IFT122: variants seen among roughly 807,000 people sequenced by gnomAD.
IFT122 encodes the protein intraflagellar transport 122.
Under a neutral mutation model 161.6 loss-of-function variants are expected in IFT122, and 118 were observed. The observed-to-expected ratio is 0.73, with a 90% confidence interval of 0.63 to 0.85. The LOEUF is 0.85. Ranked by LOEUF, IFT122 falls within the 40% of genes least tolerant of loss-of-function variation. The pLI, the probability that IFT122 is intolerant of heterozygous loss-of-function variation, is 0.00. For missense variants in IFT122, 1,381 were observed against 1,579.6 expected (o/e 0.87, Z 2.13); for synonymous variants, 550 against 602.4 (o/e 0.91, Z 1.27).
intron 20 of IFT122, chr3:129,504,038 A>G (rs1049280710): frequency 4.5e-6 from 2 of 441,116 alleles, no homozygotes; most frequent in Non-Finnish European, 8.5e-6. Context: ...GCAAACCCTC[A>G]AAATAAAATG....
At chr3:129,456,365 G>A (rs2075487832) in intron 3 of IFT122, 1 of 965,226 alleles carries the variant, frequency 1.0e-6, no homozygotes, top group Non-Finnish European at 1.4e-6. Context: ...TTGGCCGGGT[G>A]TGGTGGCTCA....
intron 6 of IFT122, among the ~76,000 whole-genome samples, chr3:129,464,098 G>T (rs978026384): frequency 6.6e-6 from 1 of 152,198 alleles, no homozygotes; most frequent in South Asian, 2.1e-4. Flanking sequence ...CGAGATTGTT[G>T]TGAAATGCAC....
intron 2 of IFT122, among the ~76,000 whole-genome samples, chr3:129,451,254 T>C (rs1049182149): frequency 2.0e-5 from 3 of 152,056 alleles, no homozygotes; most frequent in African/African-American, 7.2e-5. Context: ...ACACACCACC[T>C]CGTCCACCTA....
intron 12 of IFT122, among the ~76,000 whole-genome samples, chr3:129,478,631 A>C (rs773157004): frequency 2.6e-5 from 4 of 151,972 alleles, no homozygotes; most frequent in African/African-American, 7.3e-5. Context: ...TTTAGTAGAG[A>C]CGCGAGGCTG....
At chr3:129,460,954 G>C in intron 4 of IFT122, 1 of 1,609,774 alleles carries the variant, frequency 6.2e-7, no homozygotes, top group Non-Finnish European at 8.5e-7. Context: ...TAAAGGCCAA[G>C]GTGGGAGGAT....
In IFT122 at chr3:129,481,646, T is replaced by A; in HGVS notation, c.1605T>A (p.Asn535Lys). The change falls in exon 14 of 30, where the codon AAT becomes AAA. Residue 535 changes from asparagine (N) to lysine (K), a missense_variant. By Grantham distance (94) the Asn-to-Lys change is moderately conservative. Coordinates refer to ENST00000348417, the MANE Select transcript of IFT122 (RefSeq NM_052989.3). Reference protein sequence around the residue: ...SRKKLAVVDENDTCLVYDIDT... With the variant: ...SRKKLAVVDEKDTCLVYDIDT... Reference sequence around the variant, plus strand: ...AGAAGCTGGCCGTGGTAGATGAAAATGACACTTGCCTGGTGTATGACATCG... The same window carrying A: ...AGAAGCTGGCCGTGGTAGATGAAAAAGACACTTGCCTGGTGTATGACATCG... 6.2e-7 allele frequency: 1 copy of A among 1,613,922 alleles called. No individual in the cohort carries two copies. The highest frequency in any genetic ancestry group is 8.5e-7 in the Non-Finnish European group (1 of 1,179,812).
chr3:129,514,197 A>G, intron 24 of IFT122, 192 bp from the exon 25 acceptor site: 1 of 710,630 alleles, frequency 1.4e-6, no homozygotes. Flanking sequence ...TCTTTGGAAA[A>G]ATTCCTGGGC....
chr3:129,516,573 ACACACAGAGAGACTGCCCCTG>A (rs1307408330), intron 26 of IFT122, among the ~76,000 whole-genome samples: 16 of 123,712 alleles, frequency 1.3e-4, no homozygotes, highest in African/African-American at 4.7e-4. Flanking sequence ...GCACACACAC[ACACACAGAGAGACTGCCCCTG>A]CACACACACA....
In IFT122 at chr3:129,507,776, G is replaced by T. The variant is rs200365796; in HGVS notation, c.2886+14G>T. 8 of 1,599,972 alleles carry T rather than the reference G, an allele frequency of 5.0e-6. No homozygotes were observed. The East Asian group carries it at 1.8e-4, about 36-fold the overall frequency. ...CATCGCCACACGGTAAGGTGGCTGG[G>T]TCACCAGCACCTGAGGGTACCATCT... On this transcript the variant is annotated intron_variant, in intron 23 of 29. Coordinates refer to ENST00000348417, the MANE Select transcript of IFT122 (RefSeq NM_052989.3).
intron 24 of IFT122, 139 bp from the exon 25 acceptor site, chr3:129,514,250 A>G (rs2083190440): frequency 1.1e-6 from 1 of 904,112 alleles, no homozygotes; most frequent in Non-Finnish European, 1.8e-6. Flanking sequence ...AAGCGCACAG[A>G]GCCTTCCTCA....
chr3:129,499,211 G>A (rs1200707523), intron 18 of IFT122, among the ~76,000 whole-genome samples: 1 of 152,218 alleles, frequency 6.6e-6, no homozygotes, highest in Admixed American at 6.5e-5. Context: ...TAACCATTCA[G>A]CTGAGAAGCA....
At chr3:129,494,594 T>C (rs1006419113) in intron 17 of IFT122, among the ~76,000 whole-genome samples, 2 of 152,146 alleles carry the variant, frequency 1.3e-5, no homozygotes, top group African/African-American at 4.8e-5. Flanking sequence ...GCTCAGGGTT[T>C]GGGTGCTACT....
At chr3:129,515,740 G>C in intron 26 of IFT122, 141 bp downstream of exon 26, 1 of 766,974 alleles carries the variant, frequency 1.3e-6, no homozygotes, top group Non-Finnish European at 2.3e-6. Flanking sequence ...ACACTCTGAC[G>C]CCCACCTACC....
chr3:129,468,908 G>A (rs951652817), intron 8 of IFT122, among the ~76,000 whole-genome samples: 3 of 152,224 alleles, frequency 2.0e-5, no homozygotes, highest in African/African-American at 7.2e-5. Context: ...GGAAGAGCAA[G>A]CAAGTTTCCC....
intron 1 of IFT122, among the ~76,000 whole-genome samples, chr3:129,442,026 T>C (rs1482748253): frequency 6.6e-6 from 1 of 152,144 alleles, no homozygotes; most frequent in Non-Finnish European, 1.5e-5. Flanking sequence ...GCTCTTCCTG[T>C]TTTTACCAGA....
intron 17 of IFT122, among the ~76,000 whole-genome samples, chr3:129,492,974 C>T (rs865780750): frequency 2.0e-5 from 3 of 151,866 alleles, no homozygotes; most frequent in African/African-American, 4.8e-5. Flanking sequence ...TGTGCCACCC[C>T]GCCTGATTAA....
At chr3:129,492,754 T>C (rs548880407) in intron 17 of IFT122, among the ~76,000 whole-genome samples, 79 of 151,746 alleles carry the variant, frequency 5.2e-4, no homozygotes, top group Non-Finnish European at 2.6e-4. Context: ...TGCAGTGTGC[T>C]AAGGAAGCTG....
At chr3:129,499,649 G>A (rs2081300240) in intron 18 of IFT122, among the ~76,000 whole-genome samples, 3 of 152,338 alleles carry the variant, frequency 2.0e-5, no homozygotes, top group Admixed American at 6.5e-5. Flanking sequence ...TTGTGAGACG[G>A]GAAGGAAGCA....
At chr3:129,450,009 C>A (rs2074563466) in intron 2 of IFT122, 72 bp downstream of exon 2, 4 of 976,404 alleles carry the variant, frequency 4.1e-6, no homozygotes, top group Non-Finnish European at 6.4e-6. Context: ...TGAAATTTGA[C>A]CCTTTTTTTT....
Sources: allele counts gnomAD v4.1 joint callset (sites outside exome capture counted in the v4.1 genomes callset), GRCh38; gene constraint gnomAD v4.1.1; transcripts MANE v1.5; gene names NCBI Gene and HGNC (gene_info 2026-07-23, HGNC 2026-07-21).